Variants in SRA1 observed in about 807,000 individuals in gnomAD.
SRA1 encodes lncRNA SRA.
Under a neutral mutation model 24.3 loss-of-function variants are expected in SRA1, and 25 were observed. That is an observed-to-expected ratio of 1.03 (90% CI 0.75 to 1.43). The LOEUF (loss-of-function observed/expected upper bound fraction) is 1.43, where lower values mean the gene tolerates loss of function less well. SRA1 is among the 40% of genes most tolerant of loss of function. SRA1 has a pLI of 0.00. For synonymous variants in SRA1, 104 were observed against 109.5 expected (o/e 0.95, Z 0.31); for missense variants, 303 against 286.6 (o/e 1.06, Z -0.41).
Position 140,550,676 on chromosome 5 carries a change from C to T in SRA1, c.*24G>A. ...GTCTCCAAGGCATAGGAGATGGTGT[C>T]CGGTGAGTCTGGGGAACCGAGGATT... On this transcript the variant is annotated 3_prime_UTR_variant, in exon 5 of 5. Coordinates refer to ENST00000336283, the MANE Select transcript of SRA1 (RefSeq NM_001035235.4). 1 of 1,610,822 alleles carries T rather than the reference C, an allele frequency of 6.2e-7. No individual in the cohort carries two copies. Among genetic ancestry groups the T allele is most frequent in the Non-Finnish European group, 8.5e-7 (1 of 1,177,112 alleles).
intron 3 of SRA1, chr5:140,551,520 A>C: frequency 4.2e-6 from 1 of 236,522 alleles, no homozygotes; most frequent in Non-Finnish European, 8.2e-6. Context: ...TTACTTCACA[A>C]AAAGAAAACT....
At chr5:140,552,653 CAA>C (rs1230692302) in intron 2 of SRA1, among the ~76,000 whole-genome samples, 33 of 107,564 alleles carry the variant, frequency 3.1e-4, no homozygotes, top group Non-Finnish European at 2.4e-4. Flanking sequence ...AACTCTGTCT[CAA>C]AAAAAAAAAA....
At position 140,557,412 on chromosome 5, in the gene SRA1, C is replaced by T; in HGVS notation, c.25+16G>A. ...GGGGCGACAACCTAGTGCCCTAGCC[C>T]GCCGGCTGCGCTCACCCGGCTTCAC... On this transcript the variant is annotated intron_variant, in intron 1 of 4. Transcript: ENST00000336283. The T allele has an allele frequency of 6.3e-7, 1 of 1,581,826 alleles. No individual in the cohort carries two copies. Among genetic ancestry groups the T allele is most frequent in the Non-Finnish European group, 8.6e-7 (1 of 1,166,156 alleles).
Position 140,557,245 on chromosome 5 carries a change from G to T in SRA1, c.53C>A (p.Pro18Gln). The T allele has an allele frequency of 6.2e-7, 1 of 1,612,728 alleles. No individual in the cohort carries two copies. The highest frequency in any genetic ancestry group is 1.3e-5 in the African/African-American group (1 of 75,044). ...PGNKERGWND[P>Q]PQFSYGLQTQ... ...CTGCAGCCCGTATGAGAACTGCGGC[G>T]GGTCGTTCCAGCCGCGTTCCTTGTT... Residue 18 changes from proline (P) to glutamine (Q), a missense_variant, in exon 2 of 5, where the codon CCG becomes CAG. Pro to Gln is a moderately conservative substitution (Grantham distance 76, BLOSUM62 -1). Coordinates refer to ENST00000336283, the MANE Select transcript of SRA1 (RefSeq NM_001035235.4).
At chr5:140,555,175 C>T (rs1754659628) in intron 2 of SRA1, among the ~76,000 whole-genome samples, 1 of 151,898 alleles carries the variant, frequency 6.6e-6, no homozygotes, top group African/African-American at 2.4e-5. Context: ...TGCGCCTGGC[C>T]CCTTGTCTCT....
chr5:140,554,378 C>T (rs1754638336), intron 2 of SRA1, among the ~76,000 whole-genome samples: 1 of 152,176 alleles, frequency 6.6e-6, no homozygotes, highest in South Asian at 2.1e-4. Context: ...TTGCTATCTT[C>T]TTCTGACACT....
rs1313668405 is a variant in SRA1, at chr5:140,557,437, C to T, written c.16G>A (p.Val6Met). The change falls in exon 1 of 5, where the codon GTG becomes ATG. Residue 6 changes from valine to methionine, a missense_variant. Transcript: ENST00000336283. MAELY[V>M]KPGNKERGWN... ...CGCCGGCTGCGCTCACCCGGCTTCA[C>T]GTACAGCTCCGCCATCTCCACTTCC... is the stretch of plus-strand genomic sequence containing the variant. 3.8e-6 allele frequency: 6 copies of T among 1,565,500 alleles called. No homozygotes were observed. Among genetic ancestry groups the T allele is most frequent in the Non-Finnish European group, 4.3e-6 (5 of 1,156,786 alleles).
At chr5:140,551,886 C>G in intron 3 of SRA1, 96 bp downstream of exon 3, 3 of 1,118,646 alleles carry the variant, frequency 2.7e-6, no homozygotes, top group Non-Finnish European at 1.3e-6. Flanking sequence ...GGATTAAGAA[C>G]CTGTCCACTG....
intron 2 of SRA1, among the ~76,000 whole-genome samples, chr5:140,552,954 G>T (rs998245621): frequency 6.6e-6 from 1 of 152,198 alleles, no homozygotes; most frequent in African/African-American, 2.4e-5. Flanking sequence ...ACTAAATTAT[G>T]TTACATGCTA....
intron 2 of SRA1, among the ~76,000 whole-genome samples, chr5:140,553,706 T>G (rs765705128): frequency 3.9e-5 from 6 of 152,106 alleles, no homozygotes; most frequent in Admixed American, 3.9e-4. Flanking sequence ...GAAAAACTGA[T>G]GAAAACAGGT....
chr5:140,556,353 A>C (rs1754694739), intron 2 of SRA1, among the ~76,000 whole-genome samples: 1 of 152,174 alleles, frequency 6.6e-6, no homozygotes, highest in Admixed American at 6.5e-5. Context: ...CCTCTACTTT[A>C]AACTTTTCAA....
Position 140,557,144 on chromosome 5 carries a change from C to A in SRA1, c.151+3G>T, listed in dbSNP as rs761681538. ...TGTCTCCGAGCACAGGGGCCCCACG[C>A]ACCTCTGGGGGATCCATCCTGGGGT... is the stretch of plus-strand genomic sequence containing the variant. On this transcript the variant is annotated splice_donor_region_variant and intron_variant, in intron 2 of 4. Coordinates refer to ENST00000336283, the MANE Select transcript of SRA1 (RefSeq NM_001035235.4). 7 of 1,593,860 alleles carry A rather than the reference C, an allele frequency of 4.4e-6. No homozygotes were observed. Among genetic ancestry groups the A allele is most frequent in the Non-Finnish European group, 6.0e-6 (7 of 1,169,572 alleles).
intron 2 of SRA1, among the ~76,000 whole-genome samples, chr5:140,556,223 C>T (rs1417282618): frequency 6.6e-6 from 1 of 152,106 alleles, no homozygotes; most frequent in East Asian, 1.9e-4. Flanking sequence ...CATTCTTCTA[C>T]AGCAAAAAGG....
chr5:140,557,595 G>T, upstream of SRA1: 1 of 970,250 alleles, frequency 1.0e-6, no homozygotes, highest in Non-Finnish European at 1.5e-6. Flanking sequence ...GGGAGCCGCT[G>T]TGGGGACCCT....
intron 2 of SRA1, among the ~76,000 whole-genome samples, chr5:140,555,824 A>G (rs1754680129): frequency 6.6e-6 from 1 of 151,764 alleles, no homozygotes; most frequent in East Asian, 1.9e-4. Flanking sequence ...TTCCTAATCT[A>G]CTCATTCCTA....
Position 140,557,221 on chromosome 5 carries a change from T to G in SRA1, c.77A>C (p.Gln26Pro). 1 of 1,613,472 alleles carries G rather than the reference T, an allele frequency of 6.2e-7. No homozygotes were observed. The highest frequency in any genetic ancestry group is 1.1e-5 in the South Asian group (1 of 91,076). Residue 26 changes from glutamine (Q) to proline (P), a missense_variant, in exon 2 of 5, where the codon CAG becomes CCG. Transcript: ENST00000336283. Reference sequence around the variant, plus strand: ...GCGCCTGGGTCCGCCGGCCTGGGTCTGCAGCCCGTATGAGAACTGCGGCGG... The same window carrying G: ...GCGCCTGGGTCCGCCGGCCTGGGTCGGCAGCCCGTATGAGAACTGCGGCGG... Reference protein sequence around the residue: ...NDPPQFSYGLQTQAGGPRRSL... With the variant: ...NDPPQFSYGLPTQAGGPRRSL...
intron 2 of SRA1, among the ~76,000 whole-genome samples, chr5:140,553,825 G>T (rs1260175664): frequency 6.6e-6 from 1 of 152,192 alleles, no homozygotes; most frequent in Non-Finnish European, 1.5e-5. Flanking sequence ...AGTAGTCTGA[G>T]ATTTACTTAG....
chr5:140,550,397 A>C lies in SRA1; in HGVS notation c.*303T>G. ...TACCCAGCAGATCCCTTCCTGATGA[A>C]TGGAGAAGGGAGAACAGAGGTTTGC... On this transcript the variant is annotated 3_prime_UTR_variant, in exon 5 of 5. Coordinates refer to ENST00000336283, the MANE Select transcript of SRA1 (RefSeq NM_001035235.4). 1 of 424,464 alleles carries C rather than the reference A, an allele frequency of 2.4e-6. No individual in the cohort carries two copies. 26.3% of individuals were successfully genotyped at this position (424,464 alleles called of 1,614,324 possible).
intron 2 of SRA1, among the ~76,000 whole-genome samples, chr5:140,553,970 A>G (rs1754627006): frequency 6.6e-6 from 1 of 152,182 alleles, no homozygotes; most frequent in African/African-American, 2.4e-5. Flanking sequence ...ACTTTTAGGT[A>G]CCAACATCCA....
Sources: gnomAD v4.1 joint callset for allele counts (sites outside exome capture counted in the v4.1 genomes callset) on GRCh38, gnomAD v4.1.1 for gene constraint, MANE v1.5 for transcripts, NCBI Gene and HGNC (gene_info 2026-07-23, HGNC 2026-07-21) for gene names.